ADAM23: variants seen among roughly 807,000 people sequenced by gnomAD.
ADAM23 encodes the protein disintegrin and metalloproteinase domain-containing protein 23.
In ADAM23, 33 loss-of-function variants were observed where a neutral mutation model predicts 120.1. That is an observed-to-expected ratio of 0.27 (90% CI 0.21 to 0.37). The LOEUF (loss-of-function observed/expected upper bound fraction) is 0.37. Ranked by LOEUF, ADAM23 falls within the 10% of genes least tolerant of loss-of-function variation. ADAM23 has a pLI of 1.00. For missense variants in ADAM23, 862 were observed against 1,058.2 expected (o/e 0.81, Z 2.57); for synonymous variants, 367 against 375.2 (o/e 0.98, Z 0.25).
At chr2:206,547,313 A>G (rs560409361) in intron 6 of ADAM23, 116 bp from the exon 7 acceptor site, 1 of 734,900 alleles carries the variant, frequency 1.4e-6, no homozygotes, top group African/African-American at 1.8e-5. Flanking sequence ...ATAGCTAAAA[A>G]ACTGACATAT....
intron 3 of ADAM23, among the ~76,000 whole-genome samples, chr2:206,516,469 C>G (rs1696733024): frequency 6.6e-6 from 1 of 151,978 alleles, no homozygotes; most frequent in Non-Finnish European, 1.5e-5. Context: ...GTTTTGGAGG[C>G]TAGGAAGTCT....
intron 25 of ADAM23, among the ~76,000 whole-genome samples, chr2:206,612,064 G>A (rs535391138): frequency 3.3e-5 from 5 of 152,304 alleles, no homozygotes; most frequent in Admixed American, 1.3e-4. Flanking sequence ...TTCATGCCCC[G>A]AAGCAAAGAA....
chr2:206,594,715 A>C, intron 22 of ADAM23, 22 bp from the exon 23 acceptor site: 1 of 1,613,748 alleles, frequency 6.2e-7, no homozygotes, highest in South Asian at 1.1e-5. Flanking sequence ...AAATAGTTAT[A>C]TGGGTATCTT....
chr2:206,488,963 C>T (rs750181120), intron 3 of ADAM23, among the ~76,000 whole-genome samples: 9 of 152,184 alleles, frequency 5.9e-5, no homozygotes, highest in Admixed American at 1.3e-4. Context: ...GGCAAACTGC[C>T]TGGTGGGAGT....
chr2:206,499,442 A>G (rs948857447), intron 3 of ADAM23, among the ~76,000 whole-genome samples: 1 of 144,970 alleles, frequency 6.9e-6, no homozygotes, highest in African/African-American at 2.5e-5. Flanking sequence ...GAATTGAACA[A>G]TGAGAACACA....
At position 206,550,062 on chromosome 2, in the gene ADAM23, A is replaced by G. The variant is rs751138148; in HGVS notation, c.868-33A>G. ...GCACTAGAGAGATTTTATGTCAATC[A>G]CTATTCTGACCATATATTTTTATTT... On this transcript the variant is annotated intron_variant, in intron 8 of 25. Transcript: ENST00000264377. The G allele has an allele frequency of 4.6e-5, 63 of 1,372,804 alleles. No homozygotes were observed. In the East Asian group the frequency reaches 1.4e-3, roughly 32 times the overall value. The allele number at this position is 1,372,804 out of a possible 1,614,324, so 85.0% of individuals were successfully genotyped here. A position where few individuals can be genotyped will look rare whatever the true frequency, so the allele number is the denominator to read the frequency against.
chr2:206,445,892 T>C (rs887340505), intron 2 of ADAM23, among the ~76,000 whole-genome samples: 1 of 152,232 alleles, frequency 6.6e-6, no homozygotes, highest in Non-Finnish European at 1.5e-5. Flanking sequence ...TCCCATGATA[T>C]AAAAACTGCT....
chr2:206,473,731 G>T (rs2105871024), intron 2 of ADAM23, among the ~76,000 whole-genome samples: 1 of 151,832 alleles, frequency 6.6e-6, no homozygotes, highest in East Asian at 1.9e-4. Flanking sequence ...TCTCGGCCAG[G>T]CATGGTAGCT....
At chr2:206,557,568 C>A in intron 10 of ADAM23, 70 bp downstream of exon 10, 1 of 1,366,268 alleles carries the variant, frequency 7.3e-7, no homozygotes, top group Non-Finnish European at 1.0e-6. Flanking sequence ...CTTACTTGTA[C>A]TTTAGGTATT....
intron 3 of ADAM23, among the ~76,000 whole-genome samples, chr2:206,498,182 C>T (rs553020420): frequency 4.9e-4 from 75 of 152,162 alleles, no homozygotes; most frequent in African/African-American, 1.7e-3. Flanking sequence ...AAAAAGAGCC[C>T]GCATTGCCAA....
chr2:206,444,998 A>ACC (rs10557523), intron 1 of ADAM23, among the ~76,000 whole-genome samples: 67 of 145,994 alleles, frequency 4.6e-4, no homozygotes, highest in South Asian at 2.5e-3. Context: ...AGTTCATTCT[A>ACC]CCCCCCCCCC....
At chr2:206,549,485 C>T (rs934427870) in intron 8 of ADAM23, among the ~76,000 whole-genome samples, 4 of 152,012 alleles carry the variant, frequency 2.6e-5, no homozygotes, top group Non-Finnish European at 4.4e-5. Flanking sequence ...AAAATACTTA[C>T]TCTTAAAGAA....
chr2:206,456,477 C>G (rs1271359735), intron 2 of ADAM23, among the ~76,000 whole-genome samples: 1 of 152,158 alleles, frequency 6.6e-6, no homozygotes, highest in African/African-American at 2.4e-5. Context: ...TGTGGGAAAT[C>G]CGTCCCCATG....
At chr2:206,588,609 G>A (rs1167176744) in intron 20 of ADAM23, among the ~76,000 whole-genome samples, 1 of 152,290 alleles carries the variant, frequency 6.6e-6, no homozygotes, top group South Asian at 2.1e-4. Flanking sequence ...AGAGATGCAT[G>A]TACTTCCTGA....
chr2:206,550,060 T>C (rs1343004295), intron 8 of ADAM23, 35 bp from the exon 9 acceptor site: 4 of 1,366,636 alleles, frequency 2.9e-6, no homozygotes, highest in Non-Finnish European at 4.1e-6. Context: ...TTTATGTCAA[T>C]CACTATTCTG....
rs185667539 is a variant in ADAM23, at chr2:206,513,110, A to G, written c.510-17775A>G. Among the ~76,000 whole-genome samples, 38 of 152,240 alleles carry G rather than the reference A, an allele frequency of 2.5e-4. 1 individual carries two copies. The South Asian group carries it at 3.9e-3, about 16-fold the overall frequency. ...ACACAACAATTTTGAAATTAGGTCA[A>G]TTAACAACCTTATACCGGCCTCTAT... On this transcript the variant is annotated intron_variant, in intron 3 of 25. Coordinates refer to ENST00000264377, the MANE Select transcript of ADAM23 (RefSeq NM_003812.4).
At chr2:206,480,257 G>A (rs1278135805) in intron 2 of ADAM23, among the ~76,000 whole-genome samples, 1 of 152,050 alleles carries the variant, frequency 6.6e-6, no homozygotes, top group East Asian at 1.9e-4. Flanking sequence ...GCAAAGAGGA[G>A]CATGGGGTAG....
intron 3 of ADAM23, among the ~76,000 whole-genome samples, chr2:206,500,993 CTT>C (rs201894596): frequency 2.8e-4 from 40 of 142,474 alleles, no homozygotes; most frequent in Non-Finnish European, 2.2e-4. Flanking sequence ...GAGCCACTCA[CTT>C]TTTTTTTTTT....
intron 24 of ADAM23, among the ~76,000 whole-genome samples, chr2:206,597,739 G>A (rs1698557675): frequency 1.3e-5 from 2 of 152,144 alleles, no homozygotes; most frequent in Admixed American, 1.3e-4. Flanking sequence ...TCTCTGACAG[G>A]TAGGAAAATG....
Sources: allele counts gnomAD v4.1 joint callset (sites outside exome capture counted in the v4.1 genomes callset), GRCh38; gene constraint gnomAD v4.1.1; transcripts MANE v1.5; gene names NCBI Gene and HGNC (gene_info 2026-07-23, HGNC 2026-07-21).